The following CA2 variants were observed in gnomAD, a reference collection of about 807,000 sequenced individuals.
CA2 encodes carbonic anhydrase 2, also known as carbonate dehydratase II.
In CA2, 23 loss-of-function variants were observed where a neutral mutation model predicts 27.8. The observed-to-expected ratio is 0.83, with a 90% CI of 0.59 to 1.17. CA2 has a LOEUF of 1.17. CA2 is among the 50% of genes most tolerant of loss of function. The pLI, the probability that CA2 is intolerant of heterozygous loss-of-function variation, is 0.00. For missense variants in CA2, 300 were observed against 314.7 expected, an observed-to-expected ratio of 0.95 and a Z score of 0.35; for synonymous variants, 99 against 114.9, an observed-to-expected ratio of 0.86 and a Z score of 0.88.
At chr8:85,467,236 G>GAGCA (rs1373234204) in intron 2 of CA2, among the ~76,000 whole-genome samples, 71 of 152,336 alleles carry the variant, frequency 4.7e-4, no homozygotes, top group African/African-American at 1.6e-3. Flanking sequence ...AAGTGGATTT[G>GAGCA]AACACATGGT....
At chr8:85,466,888 A>G (rs187281027) in intron 2 of CA2, among the ~76,000 whole-genome samples, 1 of 152,234 alleles carries the variant, frequency 6.6e-6, no homozygotes, top group East Asian at 1.9e-4. Context: ...AATACTGTAT[A>G]TTTATAACAA....
intron 5 of CA2, among the ~76,000 whole-genome samples, chr8:85,476,386 C>T (rs375515941): frequency 2.6e-5 from 4 of 152,136 alleles, no homozygotes; most frequent in East Asian, 1.9e-4. Flanking sequence ...CAGTCACTTC[C>T]GGTGATGGGG....
intron 1 of CA2, 183 bp downstream of exon 1, chr8:85,464,298 C>T (rs923096082): frequency 8.0e-6 from 4 of 497,976 alleles, no homozygotes; most frequent in South Asian, 3.2e-5. Context: ...TCCGCGGCGC[C>T]GGGGATGTCC....
At chr8:85,477,785 A>C (rs1419964112) in intron 6 of CA2, among the ~76,000 whole-genome samples, 1 of 152,212 alleles carries the variant, frequency 6.6e-6, no homozygotes, top group Non-Finnish European at 1.5e-5. Context: ...AGGTATTCTT[A>C]CATTTCCAAT....
chr8:85,470,512 C>A (rs1360519690), intron 2 of CA2, among the ~76,000 whole-genome samples: 1 of 151,880 alleles, frequency 6.6e-6, no homozygotes, highest in East Asian at 1.9e-4. Context: ...GTCTGTTACT[C>A]CAGTGCATCT....
chr8:85,464,249 A>C, intron 1 of CA2, 134 bp downstream of exon 1: 1 of 764,926 alleles, frequency 1.3e-6, no homozygotes, highest in East Asian at 3.4e-5. Context: ...GGAGTGCTGG[A>C]GGCTCAGGTG....
intron 4 of CA2, among the ~76,000 whole-genome samples, chr8:85,475,538 T>C (rs1811784485): frequency 6.6e-6 from 1 of 152,240 alleles, no homozygotes; most frequent in East Asian, 1.9e-4. Flanking sequence ...CCTTTGGCAG[T>C]TAGAGGTCAC....
Position 85,475,804 on chromosome 8 carries a change from AGCGCTAAACCGG to A in CA2, c.454_465del (p.Ala152_Gly155del). 1 of 1,614,030 alleles carries A rather than the reference AGCGCTAAACCGG, an allele frequency of 6.2e-7. No homozygotes were observed. The highest frequency in any genetic ancestry group is 8.5e-7 in the Non-Finnish European group (1 of 1,179,916). Reference sequence around the variant, plus strand: ...CCTTTATGTTTTTCTTTAGGTTGGCAGCGCTAAACCGGGCCTTCAGAAAGTTGTTGATGTGCT... The same window carrying A: ...CCTTTATGTTTTTCTTTAGGTTGGCAGCCTTCAGAAAGTTGTTGATGTGCT... On this transcript the variant is annotated inframe_deletion, in exon 5 of 7. Coordinates refer to ENST00000285379, the MANE Select transcript of CA2 (RefSeq NM_000067.3).
intron 6 of CA2, among the ~76,000 whole-genome samples, chr8:85,477,900 C>G (rs569669421): frequency 6.6e-6 from 1 of 152,144 alleles, no homozygotes; most frequent in Non-Finnish European, 1.5e-5. Flanking sequence ...TACCTCTTAG[C>G]GCACAGTTGA....
In CA2 at chr8:85,480,848, C is replaced by A; in HGVS notation, c.*59C>A. ...CTTCGGGTGTTTCCCTTTAGCTAAG[C>A]ACAGATCTACCTTGGTGATTTGGAC... On this transcript the variant is annotated 3_prime_UTR_variant, in exon 7 of 7. Transcript: ENST00000285379. 1 of 1,584,424 alleles carries A rather than the reference C, an allele frequency of 6.3e-7. No homozygotes were observed. The highest frequency in any genetic ancestry group is 1.7e-4 in the Middle Eastern group (1 of 5,992).
intron 2 of CA2, among the ~76,000 whole-genome samples, chr8:85,466,675 T>TAC (rs201796713): frequency 0.03 from 2,115 of 69,694 alleles, 19 homozygotes; most frequent in East Asian, 0.064. Context: ...CATACATACA[T>TAC]ACATACACAC....
chr8:85,470,123 A>G lies in CA2; in HGVS notation c.233-3570A>G, dbSNP rs112115539. ...AAACAGCTTCTTTTTTTACTCCTAT[A>G]TAATTGCCACATAGTTTAAACCACG... On this transcript the variant is annotated intron_variant, in intron 2 of 6. Coordinates refer to ENST00000285379, the MANE Select transcript of CA2 (RefSeq NM_000067.3). Among the ~76,000 whole-genome samples, 679 of 152,290 alleles carry G rather than the reference A, an allele frequency of 4.5e-3. 6 individuals are homozygous for G. Among genetic ancestry groups the G allele is most frequent in the African/African-American group, 0.015 (639 of 41,566 alleles).
chr8:85,464,094 TG>T lies in CA2; in HGVS notation c.18del (p.Tyr7ThrfsTer38). 6.5e-7 allele frequency: 1 copy of T among 1,548,432 alleles called. No homozygotes were observed. Among genetic ancestry groups the T allele is most frequent in the Non-Finnish European group, 8.7e-7 (1 of 1,149,444 alleles). ...CGCCAGCGCGACCATGTCCCATCAC[TG>T]GGGGTACGGCAAACACAACGGTGAG... MSHH[W>X]GYGKHNGPEH... On this transcript the variant is annotated frameshift_variant, in exon 1 of 7. Coordinates refer to ENST00000285379, the MANE Select transcript of CA2 (RefSeq NM_000067.3). LOFTEE classifies it high-confidence loss of function.
intron 4 of CA2, 96 bp from the exon 5 acceptor site, chr8:85,475,702 A>C (rs1811787073): frequency 9.0e-7 from 1 of 1,107,058 alleles, no homozygotes; most frequent in Non-Finnish European, 1.4e-6. Flanking sequence ...TGGGCTCACT[A>C]TTTGGATGTT....
chr8:85,468,933 A>G (rs1288751182), intron 2 of CA2, among the ~76,000 whole-genome samples: 1 of 152,270 alleles, frequency 6.6e-6, no homozygotes, highest in African/African-American at 2.4e-5. Flanking sequence ...ACATGAAGAA[A>G]CAGAAGCTGA....
chr8:85,477,729 A>G (rs1215335967), intron 6 of CA2, among the ~76,000 whole-genome samples: 2 of 152,178 alleles, frequency 1.3e-5, no homozygotes, highest in East Asian at 1.9e-4. Context: ...CTTGGAGAAC[A>G]TGTATCTATT....
rs1196409396 is a variant in CA2 at position 85,465,366 on chromosome 8, C to T, written c.129C>T (p.Ser43=). 6.2e-7 allele frequency: 1 copy of T among 1,614,104 alleles called. No individual in the cohort carries two copies. The highest frequency in any genetic ancestry group is 1.1e-5 in the South Asian group (1 of 91,076). The part of the protein sequence containing the change: ...IDTHTAKYDP[S]LKPLSVSYDQ... ...CTCATACAGCCAAGTATGACCCTTCCCTGAAGCCCCTGTCTGTTTCCTATG... is the reference window on the plus strand; with the variant it reads ...CTCATACAGCCAAGTATGACCCTTCTCTGAAGCCCCTGTCTGTTTCCTATG... Residue 43 remains serine, a synonymous_variant, in exon 2 of 7, where the codon TCC becomes TCT. Transcript: ENST00000285379.
At chr8:85,469,321 A>G (rs1811680484) in intron 2 of CA2, among the ~76,000 whole-genome samples, 1 of 152,138 alleles carries the variant, frequency 6.6e-6, no homozygotes, top group Non-Finnish European at 1.5e-5. Flanking sequence ...AGGTTTTCCA[A>G]TATGCTTTAA....
chr8:85,474,661 A>G, intron 4 of CA2: 1 of 511,686 alleles, frequency 2.0e-6, no homozygotes, highest in South Asian at 2.1e-5. Flanking sequence ...TAAAGAGATC[A>G]ACTTGGGTGA....
Sources: allele counts gnomAD v4.1 joint callset (sites outside exome capture counted in the v4.1 genomes callset), GRCh38; gene constraint gnomAD v4.1.1; transcripts MANE v1.5; gene names NCBI Gene and HGNC (gene_info 2026-07-23, HGNC 2026-07-21).